The following HPSE2 variants were observed in gnomAD, a reference collection of about 807,000 sequenced individuals.
HPSE2 encodes heparanase 2 (inactive).
HPSE2 carries 38 observed loss-of-function variants against 60.5 expected under a neutral mutation model. That is an observed-to-expected ratio of 0.63 (90% confidence interval 0.48 to 0.82). HPSE2 has a LOEUF of 0.82. Among genes scored for constraint, HPSE2 ranks in the 40% least tolerant of loss-of-function variants. HPSE2 has a pLI of 0.00. For synonymous variants in HPSE2, 295 were observed against 293.2 expected (o/e 1.01, Z -0.06); for missense variants, 713 against 740.4 (o/e 0.96, Z 0.43).
At chr10:98,993,702 G>C (rs1379754923) in intron 3 of HPSE2, among the ~76,000 whole-genome samples, 1 of 152,136 alleles carries the variant, frequency 6.6e-6, no homozygotes, top group Non-Finnish European at 1.5e-5. Context: ...CCATACTCTG[G>C]ATACTTTAAT....
chr10:98,894,170 A>C (rs188392321), intron 3 of HPSE2, among the ~76,000 whole-genome samples: 2 of 152,300 alleles, frequency 1.3e-5, no homozygotes, highest in East Asian at 3.9e-4. Flanking sequence ...ACAACACTCA[A>C]ATAATCTTTG....
chr10:98,491,161 C>G (rs1253447083), intron 9 of HPSE2, among the ~76,000 whole-genome samples: 3 of 151,952 alleles, frequency 2.0e-5, no homozygotes, highest in Non-Finnish European at 2.9e-5. Context: ...AGACATCAAT[C>G]GTGATTTATT....
At chr10:99,091,248 C>T (rs1052206961) in intron 3 of HPSE2, among the ~76,000 whole-genome samples, 3 of 152,220 alleles carry the variant, frequency 2.0e-5, no homozygotes, top group Admixed American at 6.5e-5. Context: ...ACCTTCTTTT[C>T]GCACTCAAAG....
chr10:99,092,410 C>CTATTG, intron 3 of HPSE2, among the ~76,000 whole-genome samples: 1 of 152,248 alleles, frequency 6.6e-6, no homozygotes, highest in East Asian at 1.9e-4. Context: ...AAATGGTAAA[C>CTATTG]TGTGGTCTAA....
chr10:98,840,327 T>A (rs547017619), intron 3 of HPSE2, among the ~76,000 whole-genome samples: 1 of 151,942 alleles, frequency 6.6e-6, no homozygotes, highest in Admixed American at 6.5e-5. Flanking sequence ...CCTATTAAAT[T>A]TGGACTCCAT....
intron 3 of HPSE2, among the ~76,000 whole-genome samples, chr10:98,977,732 C>G (rs563202431): frequency 2.8e-4 from 42 of 151,920 alleles, no homozygotes; most frequent in Non-Finnish European, 2.6e-4. Context: ...GCCTCTCTGC[C>G]TTTCCACAAG....
At chr10:98,470,774 C>T (rs1466308987) in intron 11 of HPSE2, among the ~76,000 whole-genome samples, 4 of 152,154 alleles carry the variant, frequency 2.6e-5, no homozygotes, top group Non-Finnish European at 5.9e-5. Context: ...CTGCCTACAA[C>T]GAGGGTCCCT....
intron 3 of HPSE2, among the ~76,000 whole-genome samples, chr10:98,918,088 G>C (rs992567581): frequency 5.9e-5 from 9 of 152,150 alleles, no homozygotes; most frequent in African/African-American, 2.2e-4. Context: ...AGGCAAGTAA[G>C]GCAACTGCTC....
intron 3 of HPSE2, among the ~76,000 whole-genome samples, chr10:98,977,409 C>T (rs1323658719): frequency 2.0e-5 from 3 of 152,146 alleles, no homozygotes; most frequent in East Asian, 1.9e-4. Context: ...TGGATGTACA[C>T]TGGGGAGGTA....
chr10:98,781,306 T>TA (rs1554993061), intron 3 of HPSE2, among the ~76,000 whole-genome samples: 1 of 120,106 alleles, frequency 8.3e-6, no homozygotes, highest in Admixed American at 9.0e-5. Context: ...TTTTTTTTTT[T>TA]ATTTTTAAAT....
At chr10:98,997,182 A>C (rs1001868341) in intron 3 of HPSE2, among the ~76,000 whole-genome samples, 2 of 136,596 alleles carry the variant, frequency 1.5e-5, no homozygotes, top group Non-Finnish European at 1.5e-5. Flanking sequence ...GAGCGATCTC[A>C]GCTCACTGCA....
At chr10:98,998,199 T>C (rs1266816662) in intron 3 of HPSE2, among the ~76,000 whole-genome samples, 2 of 152,174 alleles carry the variant, frequency 1.3e-5, no homozygotes, top group Non-Finnish European at 2.9e-5. Flanking sequence ...CACAGGCAAA[T>C]AGAAAAGAGA....
At chr10:99,047,536 C>T (rs1045350350) in intron 3 of HPSE2, 3 of 492,458 alleles carry the variant, frequency 6.1e-6, no homozygotes, top group African/African-American at 5.9e-5. Flanking sequence ...AGACAACCTA[C>T]ACGATAGGAG....
intron 3 of HPSE2, among the ~76,000 whole-genome samples, chr10:98,990,406 T>G (rs1350153799): frequency 6.6e-6 from 1 of 152,162 alleles, no homozygotes; most frequent in Admixed American, 6.5e-5. Flanking sequence ...CCTATGATAA[T>G]CTATTGCTGC....
At chr10:98,694,227 C>G (rs559374120) in intron 5 of HPSE2, among the ~76,000 whole-genome samples, 3 of 152,330 alleles carry the variant, frequency 2.0e-5, no homozygotes, top group African/African-American at 7.2e-5. Flanking sequence ...CCCAAGCCCA[C>G]GCCTGATGAC....
In HPSE2 at chr10:98,596,469, AT is replaced by A. The variant is rs1945241295; in HGVS notation, c.1320+18434del. On this transcript the variant is annotated intron_variant, in intron 9 of 11. Coordinates refer to ENST00000370552, the MANE Select transcript of HPSE2 (RefSeq NM_021828.5). ...CTATGTTTTCACGTTACTAATTAGC[AT>A]CCTTTTTTTTTTTCAGCTTGAAGCA... is the stretch of plus-strand genomic sequence containing the variant. Among the ~76,000 whole-genome samples, 3 of 57,378 alleles carry A rather than the reference AT, an allele frequency of 5.2e-5. No individual in the cohort carries two copies. In the South Asian group the frequency reaches 3.2e-3, roughly 61 times the overall value. 37.6% of individuals were successfully genotyped at this position (57,378 alleles called of 152,430 possible). A position where few individuals can be genotyped will look rare whatever the true frequency, so the allele number is the denominator to read the frequency against.
the HPSE2 span, among the ~76,000 whole-genome samples, chr10:99,315,460 A>C: frequency 1.3e-5 from 2 of 152,202 alleles, no homozygotes; most frequent in African/African-American, 4.8e-5. Flanking sequence ...AAGAACTCCT[A>C]GTTTAACAAT....
intron 2 of HPSE2, among the ~76,000 whole-genome samples, chr10:99,196,712 A>G (rs1848411739): frequency 6.6e-6 from 1 of 152,188 alleles, no homozygotes; most frequent in South Asian, 2.1e-4. Context: ...ACAGGCAATA[A>G]CAAATGCTGG....
At chr10:98,609,747 G>T (rs1273842722) in intron 9 of HPSE2, among the ~76,000 whole-genome samples, 1 of 151,502 alleles carries the variant, frequency 6.6e-6, no homozygotes, top group Non-Finnish European at 1.5e-5. Context: ...TAATGGCAGA[G>T]CTAGGACTAG....
Sources: gnomAD v4.1 joint callset for allele counts (sites outside exome capture counted in the v4.1 genomes callset) on GRCh38, gnomAD v4.1.1 for gene constraint, MANE v1.5 for transcripts, NCBI Gene and HGNC (gene_info 2026-07-23, HGNC 2026-07-21) for gene names.